MYCBP2: variants seen among roughly 807,000 people sequenced by gnomAD.
MYCBP2 encodes MYC binding protein 2, also known as E3 ubiquitin-protein ligase MYCBP2.
In MYCBP2, 120 loss-of-function variants were observed where a neutral mutation model predicts 525.3. The observed-to-expected ratio is 0.23, with a 90% CI of 0.20 to 0.27. The LOEUF (loss-of-function observed/expected upper bound fraction) is 0.27, where lower values mean the gene tolerates loss of function less well. Among genes scored for constraint, MYCBP2 ranks in the 10% least tolerant of loss-of-function variants. MYCBP2 has a pLI of 1.00. For synonymous variants in MYCBP2, 1,894 were observed against 1,955.8 expected (o/e 0.97, Z 0.83); for missense variants, 4,149 against 5,657.1 (o/e 0.73, Z 8.55).
chr13:77,134,376 A>C (rs896656882), intron 52 of MYCBP2, among the ~76,000 whole-genome samples: 18 of 152,206 alleles, frequency 1.2e-4, no homozygotes, highest in East Asian at 5.8e-4. Flanking sequence ...TCTACTAAAA[A>C]TACAAAAATT....
Position 77,288,218 on chromosome 13 carries a change from T to C in MYCBP2, c.537A>G (p.Gly179=). 1.2e-6 allele frequency: 2 copies of C among 1,614,220 alleles called. No homozygotes were observed. Among genetic ancestry groups the C allele is most frequent in the Non-Finnish European group, 1.7e-6 (2 of 1,180,034 alleles). The change falls in exon 3 of 83, where the codon GGA becomes GGG. Residue 179 remains glycine (G), a synonymous_variant. Coordinates refer to ENST00000544440, the MANE Select transcript of MYCBP2 (RefSeq NM_015057.5). ...CCTCTTCTTCATCACTATCTGATTCTCCACTCTGCACAGAGTTCTTAGATG... is the reference window on the plus strand; with the variant it reads ...CCTCTTCTTCATCACTATCTGATTCCCCACTCTGCACAGAGTTCTTAGATG... ...AAASKNSVQS[G]ESDSDEEEES...
Position 77,126,427 on chromosome 13 carries a change from T to C in MYCBP2, c.7775A>G (p.Lys2592Arg), listed in dbSNP as rs139851956. 16 of 1,613,910 alleles carry C rather than the reference T, an allele frequency of 9.9e-6. No homozygotes were observed. The African/African-American group carries it at 1.9e-4, about 19-fold the overall frequency. Residue 2592 changes from lysine to arginine, a missense_variant, in exon 53 of 83, where the codon AAG (lysine) becomes AGG (arginine). Physicochemically the swap from Lys to Arg is conservative, Grantham distance 26. Coordinates refer to ENST00000544440, the MANE Select transcript of MYCBP2 (RefSeq NM_015057.5). Reference sequence around the variant, plus strand: ...ACCTGAAGGTCCCGTCTTCACTACCTTGTACATGCCTGGCCCTCCTCGCAA... The same window carrying C: ...ACCTGAAGGTCCCGTCTTCACTACCCTGTACATGCCTGGCCCTCCTCGCAA... ...PFLRGGPGMY[K>R]VVKTGPSGHN...
intron 47 of MYCBP2, among the ~76,000 whole-genome samples, chr13:77,150,299 A>T (rs1274436688): frequency 6.6e-6 from 1 of 152,076 alleles, no homozygotes; most frequent in African/African-American, 2.4e-5. Flanking sequence ...GTACTTAGAA[A>T]TTTTATTTTA....
chr13:77,096,459 T>C lies in MYCBP2; in HGVS notation c.9807A>G (p.Gly3269=). Residue 3269 remains glycine, a synonymous_variant, in exon 57 of 83, where the codon GGA becomes GGG. Transcript: ENST00000544440. ...AATGCCCAATGCTATTGTAACCTTGTCCACCAGCATATCGGCCACAACCTT... is the reference window on the plus strand; with the variant it reads ...AATGCCCAATGCTATTGTAACCTTGCCCACCAGCATATCGGCCACAACCTT... ...AHPGCGRYAG[G]QGYNSIGHFC... The C allele has an allele frequency of 2.5e-6, 4 of 1,613,244 alleles. No individual in the cohort carries two copies. Among genetic ancestry groups the C allele is most frequent in the Non-Finnish European group, 2.5e-6 (3 of 1,179,488 alleles).
At chr13:77,072,368 A>T (rs542849109) in intron 68 of MYCBP2, among the ~76,000 whole-genome samples, 1 of 152,086 alleles carries the variant, frequency 6.6e-6, no homozygotes, top group African/African-American at 2.4e-5. Flanking sequence ...ATTGAATGAA[A>T]ATAAAAACAG....
At chr13:77,264,384 T>C (rs2073783422) in intron 8 of MYCBP2, among the ~76,000 whole-genome samples, 1 of 152,072 alleles carries the variant, frequency 6.6e-6, no homozygotes, top group Non-Finnish European at 1.5e-5. Flanking sequence ...TCACAGTCAT[T>C]AGTGTCACAG....
At chr13:77,165,473 C>T (rs1161761458) in intron 41 of MYCBP2, 82 bp from the exon 42 acceptor site, 3 of 998,130 alleles carry the variant, frequency 3.0e-6, no homozygotes, top group Non-Finnish European at 4.5e-6. Context: ...TGGACTTTCT[C>T]TTTTATCACA....
intron 81 of MYCBP2, 77 bp from the exon 82 acceptor site, chr13:77,051,239 A>G (rs1330814313): frequency 7.8e-7 from 1 of 1,281,788 alleles, no homozygotes; most frequent in Non-Finnish European, 1.1e-6. Context: ...GCATATACAT[A>G]GACAGCTCCT....
intron 17 of MYCBP2, among the ~76,000 whole-genome samples, chr13:77,235,508 A>G (rs2067786829): frequency 1.3e-5 from 2 of 152,148 alleles, no homozygotes; most frequent in Admixed American, 1.3e-4. Context: ...ATTTGCTTGG[A>G]GAGGTATGCA....
chr13:77,254,324 A>G (rs2071768740), intron 14 of MYCBP2, among the ~76,000 whole-genome samples: 1 of 151,850 alleles, frequency 6.6e-6, no homozygotes, highest in African/African-American at 2.4e-5. Flanking sequence ...GAAATGGAAT[A>G]TGATAATAAG....
At chr13:77,171,157 G>A (rs1227822282) in intron 38 of MYCBP2, among the ~76,000 whole-genome samples, 1 of 152,136 alleles carries the variant, frequency 6.6e-6, no homozygotes, top group Non-Finnish European at 1.5e-5. Flanking sequence ...TGGGTGGATA[G>A]CGATACATTA....
intron 14 of MYCBP2, 34 bp from the exon 15 acceptor site, chr13:77,251,389 G>GAAA: frequency 1.3e-6 from 2 of 1,568,364 alleles, no homozygotes; most frequent in Non-Finnish European, 1.8e-6. Flanking sequence ...TTTTTATACA[G>GAAA]GTTACTTTCA....
At chr13:77,065,438 A>G (rs1485659216) in intron 72 of MYCBP2, among the ~76,000 whole-genome samples, 3 of 152,066 alleles carry the variant, frequency 2.0e-5, no homozygotes, top group Non-Finnish European at 2.9e-5. Flanking sequence ...ATTCCATACT[A>G]TCTTGTCCTT....
chr13:77,175,537 G>A (rs927550573), intron 36 of MYCBP2, among the ~76,000 whole-genome samples: 5 of 152,066 alleles, frequency 3.3e-5, no homozygotes, highest in Admixed American at 6.5e-5. Context: ...GAAACCTCTC[G>A]TGTACCGATC....
chr13:77,253,674 G>T (rs536785477), intron 14 of MYCBP2, among the ~76,000 whole-genome samples: 1 of 151,862 alleles, frequency 6.6e-6, no homozygotes, highest in South Asian at 2.1e-4. Context: ...CAATCAATTT[G>T]AGAAAATTCA....
At chr13:77,128,447 T>G (rs1342762585) in intron 52 of MYCBP2, among the ~76,000 whole-genome samples, 1 of 151,886 alleles carries the variant, frequency 6.6e-6, no homozygotes, top group East Asian at 1.9e-4. Context: ...AATTCTAACT[T>G]TTGATCATTC....
intron 1 of MYCBP2, among the ~76,000 whole-genome samples, chr13:77,311,566 TTTTTTTTTTTTTG>T (rs2080224783): frequency 8.8e-6 from 1 of 113,554 alleles, no homozygotes; most frequent in African/African-American, 4.3e-5. Context: ...TTTTTTTTTG[TTTTTTTTTTTTTG>T]TTTTTTTTTT....
intron 4 of MYCBP2, among the ~76,000 whole-genome samples, chr13:77,277,482 CAA>C (rs2154350190): frequency 6.6e-6 from 1 of 152,104 alleles, no homozygotes; most frequent in Non-Finnish European, 1.5e-5. Context: ...TTAAAACAAA[CAA>C]AAGTCAAACA....
intron 52 of MYCBP2, among the ~76,000 whole-genome samples, chr13:77,132,269 C>T (rs2154173978): frequency 6.6e-6 from 1 of 152,156 alleles, no homozygotes; most frequent in East Asian, 1.9e-4. Flanking sequence ...TATGTTAAAG[C>T]TGTGACTGCT....
Sources: gnomAD v4.1 joint callset for allele counts (sites outside exome capture counted in the v4.1 genomes callset) on GRCh38, gnomAD v4.1.1 for gene constraint, MANE v1.5 for transcripts, NCBI Gene and HGNC (gene_info 2026-07-23, HGNC 2026-07-21) for gene names.